The following FRAS1 variants were observed in gnomAD, a reference collection of about 807,000 sequenced individuals.
FRAS1 encodes Fraser extracellular matrix complex subunit 1.
A neutral mutation model predicts 435.2 loss-of-function variants in FRAS1; 290 were observed. The ratio of observed to expected loss-of-function variants is 0.67; its 90% CI spans 0.61 to 0.73. The LOEUF (loss-of-function observed/expected upper bound fraction) is 0.73. FRAS1 is among the 30% of genes least tolerant of loss of function. The pLI, the probability that FRAS1 is intolerant of heterozygous loss-of-function variation, is 0.00. For synonymous variants in FRAS1, 1,800 were observed against 1,851.0 expected (o/e 0.97, Z 0.71); for missense variants, 4,860 against 5,001.5 (o/e 0.97, Z 0.85).
At chr4:78,329,876 C>G (rs1463519943) in intron 18 of FRAS1, among the ~76,000 whole-genome samples, 3 of 152,188 alleles carry the variant, frequency 2.0e-5, no homozygotes, top group Non-Finnish European at 4.4e-5. Flanking sequence ...ATGGATTAAA[C>G]CCCATGACTT....
At chr4:78,220,428 A>G (rs1306376120) in intron 2 of FRAS1, among the ~76,000 whole-genome samples, 17 of 152,214 alleles carry the variant, frequency 1.1e-4, no homozygotes. Context: ...TTTTCTCTAC[A>G]ACGTTGACAA....
intron 41 of FRAS1, among the ~76,000 whole-genome samples, chr4:78,444,388 A>G (rs1342261678): frequency 6.7e-6 from 1 of 149,078 alleles, no homozygotes; most frequent in Non-Finnish European, 1.5e-5. Flanking sequence ...GTTATTGAAG[A>G]AAAAAAAATG....
At position 78,534,759 on chromosome 4, in the gene FRAS1, G is replaced by A. The variant is rs1338650884; in HGVS notation, c.11092+144G>A. 7 of 697,198 alleles carry A rather than the reference G, an allele frequency of 1.0e-5. No homozygotes were observed. The East Asian group carries it at 1.7e-4, about 17-fold the overall frequency. The allele number at this position is 697,198 out of a possible 1,614,324, so 43.2% of individuals were successfully genotyped here. A position where few individuals can be genotyped will look rare whatever the true frequency, so the allele number is the denominator to read the frequency against. ...CCCAGGGTTGGTTCCAGGACAGCCA[G>A]GACTGAATCTAGGTACAGGCCCATT... On this transcript the variant is annotated intron_variant, in intron 71 of 73. Transcript: ENST00000512123.
intron 2 of FRAS1, among the ~76,000 whole-genome samples, chr4:78,193,106 G>A (rs534225076): frequency 1.3e-5 from 2 of 152,302 alleles, no homozygotes; most frequent in Non-Finnish European, 2.9e-5. Context: ...TTAATCCTGA[G>A]TTCTAGTTTG....
At chr4:78,141,139 G>GC in intron 2 of FRAS1, among the ~76,000 whole-genome samples, 1 of 152,146 alleles carries the variant, frequency 6.6e-6, no homozygotes, top group Admixed American at 6.6e-5. Context: ...GTGGTTTGCT[G>GC]CACCCATCAA....
At chr4:78,402,016 C>T (rs1266961005) in intron 30 of FRAS1, among the ~76,000 whole-genome samples, 2 of 151,574 alleles carry the variant, frequency 1.3e-5, no homozygotes, top group Non-Finnish European at 2.9e-5. Context: ...ATAACCAAAA[C>T]GAGCAAGAAG....
intron 65 of FRAS1, among the ~76,000 whole-genome samples, chr4:78,513,936 T>C (rs191226610): frequency 1.1e-4 from 17 of 152,346 alleles, no homozygotes; most frequent in African/African-American, 2.9e-4. Context: ...CATGTTTACA[T>C]TGGTGCTCCA....
intron 2 of FRAS1, among the ~76,000 whole-genome samples, chr4:78,234,603 G>A (rs1005137115): frequency 1.3e-5 from 2 of 152,324 alleles, no homozygotes; most frequent in Admixed American, 6.5e-5. Context: ...TTTGAGTAAT[G>A]TGCTATAGCA....
At chr4:78,118,936 T>A (rs2109959590) in intron 2 of FRAS1, among the ~76,000 whole-genome samples, 1 of 152,352 alleles carries the variant, frequency 6.6e-6, no homozygotes, top group East Asian at 1.9e-4. Flanking sequence ...AGACTGGAGC[T>A]GTTCCTATTC....
chr4:78,302,257 G>A (rs1306905495), intron 14 of FRAS1, among the ~76,000 whole-genome samples: 1 of 151,206 alleles, frequency 6.6e-6, no homozygotes, highest in East Asian at 1.9e-4. Flanking sequence ...GTCTATCATT[G>A]TTGGACATTT....
At chr4:78,229,266 G>A (rs1034099781) in intron 2 of FRAS1, among the ~76,000 whole-genome samples, 6 of 151,174 alleles carry the variant, frequency 4.0e-5, no homozygotes, top group South Asian at 2.1e-4. Flanking sequence ...AGGTGAAAAT[G>A]CCAAAGAATT....
At position 78,482,493 on chromosome 4, in the gene FRAS1, C is replaced by G; in HGVS notation, c.8710C>G (p.Pro2904Ala). ...AGCACAAGGAGCCGAACTGACCAAA[C>G]CCTTCCAGGCAGTCATTGCAATTAA... is the stretch of plus-strand genomic sequence containing the variant. ...SSAQGAELTK[P>A]FQAVIAINDT... Residue 2904 changes from proline to alanine, a missense_variant, in exon 58 of 74, where the codon CCC becomes GCC. Coordinates refer to ENST00000512123, the MANE Select transcript of FRAS1 (RefSeq NM_025074.7). 1 of 1,613,862 alleles carries G rather than the reference C, an allele frequency of 6.2e-7. No homozygotes were observed. Among genetic ancestry groups the G allele is most frequent in the Non-Finnish European group, 8.5e-7 (1 of 1,179,822 alleles).
intron 2 of FRAS1, among the ~76,000 whole-genome samples, chr4:78,212,798 GAAAT>G (rs1389883940): frequency 6.6e-6 from 1 of 152,186 alleles, no homozygotes; most frequent in African/African-American, 2.4e-5. Context: ...AATTCCCTGA[GAAAT>G]AAGTTCTGGA....
Position 78,363,568 on chromosome 4 carries a change from C to G in FRAS1, c.2478C>G (p.Ile826Met). The G allele has an allele frequency of 6.2e-7, 1 of 1,613,200 alleles. No homozygotes were observed. Residue 826 changes from isoleucine (I) to methionine (M), a missense_variant, in exon 21 of 74, where the codon ATC (isoleucine) becomes ATG (methionine). Physicochemically the swap from Ile to Met is conservative, Grantham distance 10. Coordinates refer to ENST00000512123, the MANE Select transcript of FRAS1 (RefSeq NM_025074.7). ...CTGATCTCCACAACACTGGGAGCAT[C>G]TGCCTCAGGTGCCAGAATGCCCACT... The part of the protein sequence containing the change: ...CAADLHNTGS[I>M]CLRCQNAHYL...
chr4:78,419,378 T>A (rs185273310), intron 33 of FRAS1, among the ~76,000 whole-genome samples: 173 of 152,344 alleles, frequency 1.1e-3, no homozygotes, highest in African/African-American at 4.0e-3. Context: ...ACATAGCCAT[T>A]GTCTCTGTAG....
intron 19 of FRAS1, among the ~76,000 whole-genome samples, chr4:78,334,597 G>A (rs565795347): frequency 4.5e-4 from 69 of 151,652 alleles, no homozygotes; most frequent in African/African-American, 1.4e-3. Flanking sequence ...TCGTGATCTC[G>A]TGACCTCGTG....
chr4:78,355,170 C>A (rs892330718), intron 20 of FRAS1, among the ~76,000 whole-genome samples: 6 of 152,082 alleles, frequency 3.9e-5, no homozygotes, highest in African/African-American at 1.4e-4. Flanking sequence ...GCATTTATTT[C>A]AGCTGGAGCT....
rs577349669 is a variant in FRAS1, at chr4:78,138,261, A to G, written c.108+72245A>G. On this transcript the variant is annotated intron_variant, in intron 2 of 73. Transcript: ENST00000512123. ...CATCTAGTAAACAGTACTTTAGTTC[A>G]TAGTCCTATTTCACCCAAATGTGGA... Among the ~76,000 whole-genome samples the G allele has an allele frequency of 2.0e-5, 3 of 152,338 alleles. No individual in the cohort carries two copies. In the East Asian group the frequency reaches 5.8e-4, roughly 29 times the overall value.
intron 65 of FRAS1, among the ~76,000 whole-genome samples, chr4:78,514,785 A>G (rs79728700): frequency 0.14 from 21,305 of 152,124 alleles, 1,790 homozygotes; most frequent in Non-Finnish European, 0.2. Flanking sequence ...ATTTTAACCC[A>G]GCCGGGTGCA....
Sources: allele counts gnomAD v4.1 joint callset (sites outside exome capture counted in the v4.1 genomes callset), GRCh38; gene constraint gnomAD v4.1.1; transcripts MANE v1.5; gene names NCBI Gene and HGNC (gene_info 2026-07-23, HGNC 2026-07-21).